The following DSCAML1 variants were observed in gnomAD, a reference collection of about 807,000 sequenced individuals.
DSCAML1 encodes the protein cell adhesion molecule DSCAML1.
Under a neutral mutation model 200.5 loss-of-function variants are expected in DSCAML1, and 38 were observed. The ratio of observed to expected loss-of-function variants is 0.19; its 90% CI spans 0.15 to 0.25. The LOEUF (loss-of-function observed/expected upper bound fraction) is 0.25. Among genes scored for constraint, DSCAML1 ranks in the 10% least tolerant of loss-of-function variants. The probability of loss-of-function intolerance (pLI) is 1.00; values close to 1 mark genes in which losing one functional copy is unlikely to be tolerated. For missense variants in DSCAML1, 2,223 were observed against 2,858.8 expected, an observed-to-expected ratio of 0.78 and a Z score of 5.07; for synonymous variants, 1,215 against 1,165.0, an observed-to-expected ratio of 1.04 and a Z score of -0.87.
At chr11:117,814,442 A>T (rs1295041833) in intron 1 of DSCAML1, among the ~76,000 whole-genome samples, 1 of 152,072 alleles carries the variant, frequency 6.6e-6, no homozygotes, top group Non-Finnish European at 1.5e-5. Context: ...ACCTCTGACC[A>T]CCCCAGCTGC....
chr11:117,447,827 C>T (rs1041519954), intron 20 of DSCAML1, among the ~76,000 whole-genome samples: 5 of 152,170 alleles, frequency 3.3e-5, no homozygotes, highest in Admixed American at 6.5e-5. Context: ...CGCGCGTGTG[C>T]CCTCACCCCT....
chr11:117,770,546 G>T (rs1277894592), intron 3 of DSCAML1, among the ~76,000 whole-genome samples: 2 of 152,060 alleles, frequency 1.3e-5, no homozygotes, highest in African/African-American at 4.8e-5. Flanking sequence ...CCACAGGACG[G>T]TTCAGTAGGG....
At chr11:117,747,316 G>A (rs572363563) in intron 3 of DSCAML1, among the ~76,000 whole-genome samples, 55 of 152,232 alleles carry the variant, frequency 3.6e-4, no homozygotes, top group Admixed American at 6.5e-4. Context: ...CCTTGGGAGC[G>A]GGTTTCTTCA....
intron 3 of DSCAML1, among the ~76,000 whole-genome samples, chr11:117,609,831 T>C (rs2137528263): frequency 6.6e-6 from 1 of 152,352 alleles, no homozygotes; most frequent in South Asian, 2.1e-4. Flanking sequence ...AGTGTTTGTT[T>C]GATAGTATAG....
chr11:117,541,559 G>A (rs1389620893), intron 3 of DSCAML1, among the ~76,000 whole-genome samples: 1 of 152,184 alleles, frequency 6.6e-6, no homozygotes, highest in Non-Finnish European at 1.5e-5. Flanking sequence ...CTGCCACATT[G>A]CAATGGTTTG....
intron 19 of DSCAML1, among the ~76,000 whole-genome samples, chr11:117,453,505 T>C (rs912475900): frequency 6.6e-6 from 1 of 152,192 alleles, no homozygotes; most frequent in Non-Finnish European, 1.5e-5. Context: ...AAGAATAGTT[T>C]TGTTAGGTAT....
At chr11:117,694,400 C>CAGATGG (rs2053551549) in intron 3 of DSCAML1, among the ~76,000 whole-genome samples, 2 of 150,210 alleles carry the variant, frequency 1.3e-5, no homozygotes, top group East Asian at 3.9e-4. Context: ...AGCTAGACTC[C>CAGATGG]ATCTCAAAAG....
intron 3 of DSCAML1, among the ~76,000 whole-genome samples, chr11:117,653,026 C>T (rs780138937): frequency 3.9e-5 from 6 of 152,302 alleles, no homozygotes; most frequent in South Asian, 2.1e-4. Flanking sequence ...AGATGAACTA[C>T]GATCCTGGCA....
At chr11:117,470,641 C>A (rs1171202692) in intron 15 of DSCAML1, among the ~76,000 whole-genome samples, 1 of 152,162 alleles carries the variant, frequency 6.6e-6, no homozygotes, top group African/African-American at 2.4e-5. Flanking sequence ...CTGCTTATAT[C>A]CCCTAGAGAA....
chr11:117,709,601 T>G (rs1046377500), intron 3 of DSCAML1: 1 of 427,294 alleles, frequency 2.3e-6, no homozygotes, highest in African/African-American at 2.1e-5. Context: ...AAATGGCTAT[T>G]TATTTCCCCC....
At chr11:117,763,242 G>A (rs924943019) in intron 3 of DSCAML1, among the ~76,000 whole-genome samples, 29 of 152,130 alleles carry the variant, frequency 1.9e-4, no homozygotes, top group African/African-American at 6.7e-4. Flanking sequence ...GGGAGCTTTC[G>A]AAAACCCCCA....
intron 3 of DSCAML1, among the ~76,000 whole-genome samples, chr11:117,720,056 C>T (rs916432885): frequency 1.3e-5 from 2 of 152,072 alleles, no homozygotes; most frequent in Non-Finnish European, 2.9e-5. Flanking sequence ...TCAATTAGTC[C>T]CTCCCGGCCC....
At chr11:117,562,475 G>A (rs571860322) in intron 3 of DSCAML1, among the ~76,000 whole-genome samples, 7 of 152,216 alleles carry the variant, frequency 4.6e-5, no homozygotes, top group East Asian at 1.9e-4. Context: ...CATGTGACTC[G>A]CATCAGATGT....
rs77055439 is a variant in DSCAML1, at chr11:117,734,557, C to A, written c.511+42234G>T. Reference sequence around the variant, plus strand: ...TCTTATTTTAAACCTTGAATTGTTACCTCCTCTGAAAACCCTTCTCAGAGC... The same window carrying A: ...TCTTATTTTAAACCTTGAATTGTTAACTCCTCTGAAAACCCTTCTCAGAGC... On this transcript the variant is annotated intron_variant, in intron 3 of 32. Transcript: ENST00000651296. Among the ~76,000 whole-genome samples, 568 of 152,294 alleles carry A rather than the reference C, an allele frequency of 3.7e-3. 9 individuals carry two copies. Among genetic ancestry groups the A allele is most frequent in the African/African-American group, 0.013 (534 of 41,558 alleles).
intron 21 of DSCAML1, among the ~76,000 whole-genome samples, chr11:117,442,316 CATGT>C (rs1419532285): frequency 7.0e-6 from 1 of 142,972 alleles, no homozygotes; most frequent in Non-Finnish European, 1.5e-5. Flanking sequence ...TATGTGTATG[CATGT>C]ATTAGTGTGT....
intron 3 of DSCAML1, among the ~76,000 whole-genome samples, chr11:117,600,864 G>A (rs2051452559): frequency 6.6e-6 from 1 of 152,176 alleles, no homozygotes; most frequent in Non-Finnish European, 1.5e-5. Context: ...CAGGAGGCCA[G>A]AGCTGGAGGA....
At chr11:117,738,763 T>C (rs745827196) in intron 3 of DSCAML1, among the ~76,000 whole-genome samples, 9 of 152,202 alleles carry the variant, frequency 5.9e-5, no homozygotes, top group South Asian at 2.1e-4. Context: ...CTCTGTGGTC[T>C]GGAGCCACAG....
intron 16 of DSCAML1, among the ~76,000 whole-genome samples, chr11:117,468,661 T>C (rs1380289700): frequency 1.3e-5 from 2 of 152,168 alleles, no homozygotes; most frequent in African/African-American, 2.4e-5. Context: ...GCTCCAGGTA[T>C]CCACTAGGTG....
intron 3 of DSCAML1, among the ~76,000 whole-genome samples, chr11:117,758,747 G>T (rs1005891282): frequency 6.6e-6 from 1 of 152,092 alleles, no homozygotes; most frequent in Non-Finnish European, 1.5e-5. Context: ...TAAGGATAGA[G>T]CCTTACAGAC....
Sources: gnomAD v4.1 joint callset for allele counts (sites outside exome capture counted in the v4.1 genomes callset) on GRCh38, gnomAD v4.1.1 for gene constraint, MANE v1.5 for transcripts, NCBI Gene and HGNC (gene_info 2026-07-23, HGNC 2026-07-21) for gene names.